ACAP2: variants seen among roughly 807,000 people sequenced by gnomAD.
The protein encoded by ACAP2 is ArfGAP with coiled-coil, ankyrin repeat and PH domains 2, also known as arf-GAP with coiled-coil, ANK repeat and PH domain-containing protein 2.
ACAP2 carries 39 observed loss-of-function variants against 115.8 expected under a neutral mutation model. The observed-to-expected ratio is 0.34, with a 90% CI of 0.26 to 0.44. The LOEUF (loss-of-function observed/expected upper bound fraction) is 0.44, where lower values mean the gene tolerates loss of function less well. Ranked by LOEUF, ACAP2 falls within the 20% of genes least tolerant of loss-of-function variation. The pLI is 1.00. For missense variants in ACAP2, 662 were observed against 927.6 expected, an observed-to-expected ratio of 0.71 and a Z score of 3.72; for synonymous variants, 289 against 315.8, an observed-to-expected ratio of 0.92 and a Z score of 0.90.
intron 4 of ACAP2, among the ~76,000 whole-genome samples, chr3:195,379,974 A>T (rs551586367): frequency 1.9e-4 from 29 of 152,302 alleles, no homozygotes; most frequent in Admixed American, 1.2e-3. Flanking sequence ...AATTTTTTTT[A>T]AAAAATTGAC....
chr3:195,339,476 T>C (rs933797374), intron 6 of ACAP2, among the ~76,000 whole-genome samples: 11 of 149,978 alleles, frequency 7.3e-5, no homozygotes, highest in African/African-American at 2.7e-4. Flanking sequence ...TAAAATGCTA[T>C]ATAAAATAGG....
chr3:195,402,116 T>C (rs772829660), intron 1 of ACAP2, among the ~76,000 whole-genome samples: 7 of 152,184 alleles, frequency 4.6e-5, no homozygotes, highest in Non-Finnish European at 8.8e-5. Flanking sequence ...TATTGGTCAT[T>C]ATGTCTAGAC....
intron 4 of ACAP2, among the ~76,000 whole-genome samples, chr3:195,367,680 T>C (rs1052317484): frequency 1.3e-5 from 2 of 152,222 alleles, no homozygotes; most frequent in Non-Finnish European, 2.9e-5. Context: ...AGGGACCATG[T>C]ACCCACTGAT....
At position 195,288,477 on chromosome 3, in the gene ACAP2, G is replaced by A. The variant is rs145328396; in HGVS notation, c.2174+644C>T. Among the ~76,000 whole-genome samples, 73 of 152,226 alleles carry A rather than the reference G, an allele frequency of 4.8e-4. No individual in the cohort carries two copies. In the East Asian group the frequency reaches 0.014, roughly 29 times the overall value. ...CTGTGTGCAAGTACAGTTGGCCGCT[G>A]TCCTTCTCTGTGGGTTCAACCAATC... On this transcript the variant is annotated intron_variant, in intron 21 of 22. Coordinates refer to ENST00000326793, the MANE Select transcript of ACAP2 (RefSeq NM_012287.6).
At chr3:195,422,208 T>C (rs115080120) in intron 1 of ACAP2, among the ~76,000 whole-genome samples, 1,788 of 152,286 alleles carry the variant, frequency 0.012, 31 homozygotes, top group African/African-American at 0.039. Context: ...CTGCTTCATA[T>C]ACTCCTGTCC....
intron 2 of ACAP2, among the ~76,000 whole-genome samples, chr3:195,390,543 G>A (rs1027463195): frequency 2.0e-5 from 3 of 152,012 alleles, no homozygotes; most frequent in African/African-American, 2.4e-5. Flanking sequence ...AAAACCTTCA[G>A]CTTAATATAT....
chr3:195,322,756 T>A (rs1204602405), intron 9 of ACAP2, among the ~76,000 whole-genome samples: 1 of 152,240 alleles, frequency 6.6e-6, no homozygotes, highest in East Asian at 1.9e-4. Context: ...TCTGCAGTTT[T>A]TCAAAACCTT....
intron 1 of ACAP2, among the ~76,000 whole-genome samples, chr3:195,394,559 T>C (rs927270003): frequency 3.1e-4 from 47 of 152,224 alleles, no homozygotes; most frequent in African/African-American, 1.1e-3. Context: ...CTCACGCCTG[T>C]AATCCCAGCA....
chr3:195,433,285 GT>G (rs1349957459), intron 1 of ACAP2, among the ~76,000 whole-genome samples: 1 of 151,950 alleles, frequency 6.6e-6, no homozygotes, highest in African/African-American at 2.4e-5. Context: ...TTTGTACTTT[GT>G]TATCGTTATT....
At position 195,302,073 on chromosome 3, in the gene ACAP2, C is replaced by T; in HGVS notation, c.1218G>A (p.Gln406=). ...LKGESALQRV[Q]CIPGNASCCD... is the part of the protein sequence containing the mutation. ...AACAGCTGGCATTGCCAGGGATACACTGGACCCGCTGAAGCGCACTTTCTC... is the reference window on the plus strand; with the variant it reads ...AACAGCTGGCATTGCCAGGGATACATTGGACCCGCTGAAGCGCACTTTCTC... The change falls in exon 14 of 23, where the codon CAG becomes CAA. Residue 406 remains glutamine, a synonymous_variant. Transcript: ENST00000326793. 3 of 1,614,200 alleles carry T rather than the reference C, an allele frequency of 1.9e-6. No homozygotes were observed. The highest frequency in any genetic ancestry group is 1.3e-5 in the African/African-American group (1 of 75,064).
chr3:195,401,699 G>A (rs1712314997), intron 1 of ACAP2, among the ~76,000 whole-genome samples: 1 of 152,124 alleles, frequency 6.6e-6, no homozygotes, highest in Non-Finnish European at 1.5e-5. Flanking sequence ...ACAGTAACGT[G>A]AAATATGAAG....
chr3:195,297,055 G>A, intron 16 of ACAP2, 135 bp downstream of exon 16: 1 of 704,346 alleles, frequency 1.4e-6, no homozygotes, highest in Non-Finnish European at 2.5e-6. Context: ...CGAAGAAAGA[G>A]ATAGCCAACA....
At chr3:195,430,494 A>T (rs1158058198) in intron 1 of ACAP2, among the ~76,000 whole-genome samples, 2 of 152,194 alleles carry the variant, frequency 1.3e-5, no homozygotes, top group Non-Finnish European at 2.9e-5. Flanking sequence ...TAGGCAGATC[A>T]CTTGAGGTCA....
chr3:195,410,957 T>A, intron 1 of ACAP2: 1 of 370,828 alleles, frequency 2.7e-6, no homozygotes, highest in Non-Finnish European at 5.4e-6. Flanking sequence ...TAGCTGGCCC[T>A]CACCAGACAC....
intron 8 of ACAP2, among the ~76,000 whole-genome samples, chr3:195,330,220 T>G (rs1223667512): frequency 6.6e-6 from 1 of 152,216 alleles, no homozygotes; most frequent in Admixed American, 6.6e-5. Flanking sequence ...TGGCTGTATA[T>G]TAACCCTCAA....
chr3:195,409,939 T>A (rs1713122807), intron 1 of ACAP2, among the ~76,000 whole-genome samples: 1 of 132,026 alleles, frequency 7.6e-6, no homozygotes, highest in Non-Finnish European at 1.6e-5. Flanking sequence ...AAAATTCATA[T>A]GAAATCTCAA....
chr3:195,399,792 A>C (rs1163499837), intron 1 of ACAP2, among the ~76,000 whole-genome samples: 1 of 152,094 alleles, frequency 6.6e-6, no homozygotes, highest in African/African-American at 2.4e-5. Context: ...TCACACTCTT[A>C]AGTCATAACT....
At chr3:195,411,691 T>C (rs1713272907) in intron 1 of ACAP2, among the ~76,000 whole-genome samples, 1 of 152,078 alleles carries the variant, frequency 6.6e-6, no homozygotes, top group African/African-American at 2.4e-5. Context: ...AATTTCTAGA[T>C]CAAACCACGG....
intron 4 of ACAP2, among the ~76,000 whole-genome samples, chr3:195,347,802 G>A (rs1466111517): frequency 2.0e-5 from 3 of 152,158 alleles, no homozygotes; most frequent in African/African-American, 7.2e-5. Flanking sequence ...GAGGCCAGGA[G>A]TTCAAGATTA....
Sources: gnomAD v4.1 joint callset for allele counts (sites outside exome capture counted in the v4.1 genomes callset) on GRCh38, gnomAD v4.1.1 for gene constraint, MANE v1.5 for transcripts, NCBI Gene and HGNC (gene_info 2026-07-23, HGNC 2026-07-21) for gene names.